Variants in PDZRN3 observed in about 807,000 individuals in gnomAD.
PDZRN3 encodes the protein E3 ubiquitin-protein ligase PDZRN3.
Under a neutral mutation model 85.7 loss-of-function variants are expected in PDZRN3, and 38 were observed. The ratio of observed to expected loss-of-function variants is 0.44; its 90% confidence interval spans 0.34 to 0.58. PDZRN3 has a LOEUF of 0.58. Ranked by LOEUF, PDZRN3 falls within the 20% of genes least tolerant of loss-of-function variation. The probability of loss-of-function intolerance (pLI) is 0.01; values close to 1 mark genes in which losing one functional copy is unlikely to be tolerated. For missense variants in PDZRN3, 1,629 were observed against 1,506.4 expected (o/e 1.08, Z -1.35); for synonymous variants, 759 against 638.0 (o/e 1.19, Z -2.86).
chr3:73,424,290 G>A (rs1343543215), intron 3 of PDZRN3, among the ~76,000 whole-genome samples: 1 of 150,112 alleles, frequency 6.7e-6, no homozygotes, highest in Non-Finnish European at 1.5e-5. Context: ...CCAGCACTTT[G>A]GGAGGCCAAG....
intron 3 of PDZRN3, among the ~76,000 whole-genome samples, chr3:73,470,045 C>T (rs1703303880): frequency 6.6e-6 from 1 of 152,086 alleles, no homozygotes; most frequent in African/African-American, 2.4e-5. Context: ...CGTCTCCAGA[C>T]ATTATTAAAT....
At chr3:73,433,916 A>G (rs566073994) in intron 3 of PDZRN3, 8 of 1,424,836 alleles carry the variant, frequency 5.6e-6, no homozygotes, top group Admixed American at 2.9e-5. Flanking sequence ...GCATGCATGC[A>G]TGCACGCGCG....
chr3:73,493,762 G>A (rs1158994210), intron 3 of PDZRN3, among the ~76,000 whole-genome samples: 4 of 152,164 alleles, frequency 2.6e-5, no homozygotes, highest in Admixed American at 2.0e-4. Context: ...GTTAAGGGAT[G>A]GCACATGCCC....
intron 3 of PDZRN3, among the ~76,000 whole-genome samples, chr3:73,504,927 A>G (rs890102193): frequency 1.3e-5 from 2 of 152,198 alleles, no homozygotes; most frequent in African/African-American, 4.8e-5. Context: ...CTCTCCAAGT[A>G]AGTATGGAAA....
rs142247854 is a variant in PDZRN3 at position 73,423,643 on chromosome 3, A to G, written c.919-19248T>C. Among the ~76,000 whole-genome samples the G allele has an allele frequency of 3.2e-3, 490 of 152,332 alleles. 1 individual carries two copies. The highest frequency in any genetic ancestry group is 0.011 in the African/African-American group (472 of 41,554). On this transcript the variant is annotated intron_variant, in intron 3 of 9. Transcript: ENST00000263666. ...TGTCTTCTTTTACAACAAATGTTAC[A>G]GTTTGAGAAAATCTTTTTACAGATG...
chr3:73,416,875 G>GTTTTTTTTTTTTTTTTTTTTTTTT (rs1491373717), intron 3 of PDZRN3, among the ~76,000 whole-genome samples: 5 of 40,740 alleles, frequency 1.2e-4, no homozygotes, highest in Admixed American at 3.2e-4. Context: ...GTTTTTTTTT[G>GTTTTTTTTTTTTTTTTTTTTTTTT]GTTTTTTTTT....
chr3:73,422,375 G>A (rs1048950297), intron 3 of PDZRN3, among the ~76,000 whole-genome samples: 1 of 152,092 alleles, frequency 6.6e-6, no homozygotes, highest in African/African-American at 2.4e-5. Flanking sequence ...AATAATAACT[G>A]TATCTATACT....
chr3:73,579,816 T>C (rs1187608458), intron 3 of PDZRN3, among the ~76,000 whole-genome samples: 4 of 152,188 alleles, frequency 2.6e-5, no homozygotes, highest in African/African-American at 9.7e-5. Context: ...TCCCATTATG[T>C]ATGGAGTGTC....
intron 3 of PDZRN3, among the ~76,000 whole-genome samples, chr3:73,572,834 A>G (rs545177244): frequency 2.2e-4 from 33 of 152,324 alleles, no homozygotes; most frequent in Non-Finnish European, 4.1e-4. Context: ...AAAACTATGC[A>G]TATGTATCAT....
intron 3 of PDZRN3, among the ~76,000 whole-genome samples, chr3:73,498,271 T>C (rs1703906078): frequency 1.3e-5 from 2 of 152,302 alleles, no homozygotes; most frequent in African/African-American, 4.8e-5. Context: ...ACTTTATGTG[T>C]ATCCCGACTA....
chr3:73,584,840 A>G (rs949876712), intron 3 of PDZRN3, among the ~76,000 whole-genome samples: 6 of 152,172 alleles, frequency 3.9e-5, no homozygotes, highest in African/African-American at 1.4e-4. Flanking sequence ...AGAGCTTATC[A>G]CTATCTTTTT....
chr3:73,397,038 C>T (rs73838523), intron 5 of PDZRN3, among the ~76,000 whole-genome samples: 4,587 of 143,890 alleles, frequency 0.032, 260 homozygotes, highest in African/African-American at 0.11. Flanking sequence ...CTTTTTCTTT[C>T]TTTTTTTTTT....
In PDZRN3 at chr3:73,503,274, T is replaced by C. The variant is rs372382075; in HGVS notation, c.919-98879A>G. Among the ~76,000 whole-genome samples the C allele has an allele frequency of 2.0e-5, 3 of 152,356 alleles. No homozygotes were observed. The South Asian group carries it at 6.2e-4, about 32-fold the overall frequency. ...AATTTTCTCTATTAGGTGCTACCTT[T>C]ACAAGCAAATGTATAAGTGGTCCTT... On this transcript the variant is annotated intron_variant, in intron 3 of 9. Coordinates refer to ENST00000263666, the MANE Select transcript of PDZRN3 (RefSeq NM_015009.3).
chr3:73,496,335 T>C (rs1398251916), intron 3 of PDZRN3, among the ~76,000 whole-genome samples: 1 of 151,710 alleles, frequency 6.6e-6, no homozygotes, highest in East Asian at 1.9e-4. Flanking sequence ...CTTTGATTCC[T>C]TATTAACACT....
At chr3:73,536,497 G>A (rs1454199031) in intron 3 of PDZRN3, among the ~76,000 whole-genome samples, 1 of 152,178 alleles carries the variant, frequency 6.6e-6, no homozygotes, top group Non-Finnish European at 1.5e-5. Flanking sequence ...TGTCATTTTG[G>A]AGCATCTGTC....
At chr3:73,605,664 T>C (rs138681215) in intron 2 of PDZRN3, among the ~76,000 whole-genome samples, 45 of 152,338 alleles carry the variant, frequency 3.0e-4, no homozygotes, top group South Asian at 1.5e-3. Context: ...CGTGTGTGCA[T>C]TGTTGCTCAT....
chr3:73,403,050 T>C lies in PDZRN3; in HGVS notation c.1166+1098A>G, dbSNP rs191040043. 9.6e-3 allele frequency among the ~76,000 whole-genome samples: 1,452 copies of C among 151,220 alleles called. 23 individuals carry two copies. The highest frequency in any genetic ancestry group is 0.033 in the African/African-American group (1,347 of 40,982). ...GCTCCGCCTCCCGGGTTCACGCCATTCTCCTGCCTCAGCCTCCCGAGTAGC... is the reference window on the plus strand; with the variant it reads ...GCTCCGCCTCCCGGGTTCACGCCATCCTCCTGCCTCAGCCTCCCGAGTAGC... On this transcript the variant is annotated intron_variant, in intron 4 of 9. Transcript: ENST00000263666.
In PDZRN3 at chr3:73,383,211, C is replaced by A; in HGVS notation, c.*154G>T. On this transcript the variant is annotated 3_prime_UTR_variant, in exon 10 of 10. Transcript: ENST00000263666. ...TTCTCTCTCTTCCCTTAAAATAGAC[C>A]TATGACACCCAGAGTTGTAGGGTTT... The A allele has an allele frequency of 1.6e-6, 1 of 630,730 alleles. No homozygotes were observed. The highest frequency in any genetic ancestry group is 2.7e-6 in the Non-Finnish European group (1 of 368,572). 39.1% of individuals were successfully genotyped at this position (630,730 alleles called of 1,614,324 possible). A position where few individuals can be genotyped will look rare whatever the true frequency, so the allele number is the denominator to read the frequency against.
chr3:73,514,866 T>C (rs1704228489), intron 3 of PDZRN3, among the ~76,000 whole-genome samples: 1 of 152,202 alleles, frequency 6.6e-6, no homozygotes, highest in Non-Finnish European at 1.5e-5. Flanking sequence ...CATAATCTCA[T>C]TTAGCACTTA....
Sources: allele counts gnomAD v4.1 joint callset (sites outside exome capture counted in the v4.1 genomes callset), GRCh38; gene constraint gnomAD v4.1.1; transcripts MANE v1.5; gene names NCBI Gene and HGNC (gene_info 2026-07-23, HGNC 2026-07-21).